ZNF780B: variants seen among roughly 807,000 people sequenced by gnomAD.
ZNF780B encodes zinc finger protein 780B.
ZNF780B carries 52 observed loss-of-function variants against 74.1 expected under a neutral mutation model. The ratio of observed to expected loss-of-function variants is 0.70; its 90% CI spans 0.56 to 0.88. ZNF780B has a LOEUF of 0.88. Among genes scored for constraint, ZNF780B ranks in the 40% least tolerant of loss-of-function variants. The pLI, the probability that ZNF780B is intolerant of heterozygous loss-of-function variation, is 0.00. For synonymous variants in ZNF780B, 315 were observed against 324.3 expected (o/e 0.97, Z 0.31); for missense variants, 953 against 1,007.6 (o/e 0.95, Z 0.73).
chr19:40,035,683 T>C lies in ZNF780B; in HGVS notation c.1176A>G (p.Lys392=). ...IHTGEKPFEC[K]ECGKSFNRSS... ...TACGATTAAAGGACTTCCCACATTC[T>C]TTACATTCAAATGGTTTTTCACCTG... The change falls in exon 5 of 5, where the codon AAA becomes AAG. Residue 392 remains lysine (K), a synonymous_variant. Coordinates refer to ENST00000434248, the MANE Select transcript of ZNF780B (RefSeq NM_001005851.3). 1.2e-6 allele frequency: 2 copies of C among 1,613,794 alleles called. No homozygotes were observed. The highest frequency in any genetic ancestry group is 1.7e-6 in the Non-Finnish European group (2 of 1,179,918).
At position 40,032,598 on chromosome 19, in the gene ZNF780B, G is replaced by C. The variant is rs376526350; in HGVS notation, c.*1759C>G. On this transcript the variant is annotated 3_prime_UTR_variant, in exon 5 of 5. Coordinates refer to ENST00000434248, the MANE Select transcript of ZNF780B (RefSeq NM_001005851.3). The stretch of plus-strand genomic sequence containing the variant: ...CTGGGCATGGTGGCGGGTGCCTCTA[G>C]TCCCAGCTACTCAGGAGGCTGAGGC... 17 of 183,408 alleles carry C rather than the reference G, an allele frequency of 9.3e-5. 1 individual carries two copies. The East Asian group carries it at 1.7e-3, about 18-fold the overall frequency. The allele number at this position is 183,408 out of a possible 1,614,324, so 11.4% of individuals were successfully genotyped here.
In ZNF780B at chr19:40,035,719, C is replaced by T. The variant is rs1393666862; in HGVS notation, c.1140G>A (p.Lys380=). The stretch of plus-strand genomic sequence containing the variant: ...ATGGTTTTTCACCTGTGTGAATATT[C>T]TTATGGCGATTAAGCTGATTGAGGA... ...FSLLNQLNRH[K]NIHTGEKPFE... Residue 380 remains lysine (K), a synonymous_variant, in exon 5 of 5, where the codon AAG becomes AAA. Coordinates refer to ENST00000434248, the MANE Select transcript of ZNF780B (RefSeq NM_001005851.3). 1.2e-6 allele frequency: 2 copies of T among 1,614,058 alleles called. No individual in the cohort carries two copies. The highest frequency in any genetic ancestry group is 1.3e-5 in the African/African-American group (1 of 74,988).
intron 4 of ZNF780B, among the ~76,000 whole-genome samples, chr19:40,045,889 G>C (rs1273932851): frequency 1.3e-5 from 2 of 152,180 alleles, no homozygotes; most frequent in African/African-American, 4.8e-5. Context: ...TCTAGAGGCT[G>C]AGGCAGGAGA....
chr19:40,047,299 G>T, intron 4 of ZNF780B, 76 bp downstream of exon 4: 1 of 1,277,158 alleles, frequency 7.8e-7, no homozygotes, highest in Admixed American at 1.7e-5. Context: ...ACATCTCAGG[G>T]GTGTGACTCC....
intron 4 of ZNF780B, among the ~76,000 whole-genome samples, chr19:40,044,856 C>A (rs993090671): frequency 2.0e-5 from 3 of 152,114 alleles, no homozygotes; most frequent in Non-Finnish European, 4.4e-5. Flanking sequence ...TATCAGTAAT[C>A]ACACTGAACG....
In ZNF780B at chr19:40,031,412, G is replaced by C. The variant is rs1357383328; in HGVS notation, c.*2945C>G. The C allele has an allele frequency of 6.6e-6, 1 of 152,182 alleles. No individual in the cohort carries two copies. The highest frequency in any genetic ancestry group is 1.5e-5 in the Non-Finnish European group (1 of 68,050). 9.4% of individuals were successfully genotyped at this position (152,182 alleles called of 1,614,324 possible). On this transcript the variant is annotated 3_prime_UTR_variant, in exon 5 of 5. Coordinates refer to ENST00000434248, the MANE Select transcript of ZNF780B (RefSeq NM_001005851.3). ...AATTTTTTTATTTTTAGGAGAGATG[G>C]AGTTTTGCCATGTTGGCCAAGTTGG... is the stretch of plus-strand genomic sequence containing the variant.
chr19:40,052,905 C>A (rs1973298979), intron 1 of ZNF780B, among the ~76,000 whole-genome samples: 1 of 152,056 alleles, frequency 6.6e-6, no homozygotes, highest in African/African-American at 2.4e-5. Context: ...TGAAATTAGA[C>A]CCTTTTCTCA....
chr19:40,041,922 G>T (rs777639793), intron 4 of ZNF780B, among the ~76,000 whole-genome samples: 11 of 152,046 alleles, frequency 7.2e-5, no homozygotes, highest in Non-Finnish European at 1.5e-4. Flanking sequence ...AGTTAATATT[G>T]TTATGTGTGA....
At position 40,036,642 on chromosome 19, in the gene ZNF780B, A is replaced by T. The variant is rs1465787791; in HGVS notation, c.233-16T>A. On this transcript the variant is annotated splice_polypyrimidine_tract_variant and intron_variant, in intron 4 of 4. Coordinates refer to ENST00000434248, the MANE Select transcript of ZNF780B (RefSeq NM_001005851.3). ...GACTCCAAATCTGAAAGAAATGAAG[A>T]AGGCAAACCTATTTTATTTTCCTAT... 6.9e-7 allele frequency: 1 copy of T among 1,454,148 alleles called. No homozygotes were observed. Among genetic ancestry groups the T allele is most frequent in the Non-Finnish European group, 9.2e-7 (1 of 1,087,248 alleles). 90.1% of individuals were successfully genotyped at this position (1,454,148 alleles called of 1,614,324 possible).
chr19:40,044,128 A>C (rs1972816709), intron 4 of ZNF780B, among the ~76,000 whole-genome samples: 1 of 152,234 alleles, frequency 6.6e-6, no homozygotes, highest in Non-Finnish European at 1.5e-5. Flanking sequence ...AGCCACCGTA[A>C]CATATGGGAC....
rs77635211 is a variant in ZNF780B, at chr19:40,031,956, T to C, written c.*2401A>G. On this transcript the variant is annotated 3_prime_UTR_variant, in exon 5 of 5. Transcript: ENST00000434248. ...ACTAATGCAAGGACCTGTACTTAAA[T>C]GTTTTCTGACAGTACAATATGACAT... The C allele has an allele frequency of 0.016, 6,797 of 415,626 alleles. 154 individuals are homozygous for C. The highest frequency in any genetic ancestry group is 0.052 in the South Asian group (3,004 of 57,962). The allele number at this position is 415,626 out of a possible 1,614,324, so 25.7% of individuals were successfully genotyped here. A position where few individuals can be genotyped will look rare whatever the true frequency, so the allele number is the denominator to read the frequency against.
intron 4 of ZNF780B, among the ~76,000 whole-genome samples, chr19:40,039,734 T>C (rs1035360838): frequency 2.6e-5 from 4 of 152,214 alleles, no homozygotes; most frequent in African/African-American, 9.7e-5. Context: ...TGTATAAGAA[T>C]GCTTGTGATT....
At chr19:40,050,492 A>G in intron 1 of ZNF780B, 115 bp from the exon 2 acceptor site, 1 of 1,021,030 alleles carries the variant, frequency 9.8e-7, no homozygotes, top group Non-Finnish European at 1.4e-6. Context: ...TCACACGCAC[A>G]CTTCCACCCT....
intron 4 of ZNF780B, among the ~76,000 whole-genome samples, chr19:40,038,466 T>A (rs1383275825): frequency 6.6e-6 from 1 of 151,332 alleles, no homozygotes; most frequent in Non-Finnish European, 1.5e-5. Flanking sequence ...TATTTCTAGT[T>A]CTAGATCCCT....
chr19:40,056,054 C>T (rs1022472334), intron 1 of ZNF780B, 135 bp downstream of exon 1: 2 of 152,488 alleles, frequency 1.3e-5, no homozygotes, highest in African/African-American at 2.4e-5. Context: ...CTGGCAGATT[C>T]CGTCTGCGCC....
At chr19:40,053,566 C>T (rs574936406) in intron 1 of ZNF780B, among the ~76,000 whole-genome samples, 1 of 152,158 alleles carries the variant, frequency 6.6e-6, no homozygotes, top group East Asian at 1.9e-4. Context: ...GGATATTTAT[C>T]CAAAGGAAAT....
At chr19:40,047,610 G>T in intron 3 of ZNF780B, 140 bp from the exon 4 acceptor site, 3 of 491,566 alleles carry the variant, frequency 6.1e-6, no homozygotes, top group Admixed American at 3.7e-5. Flanking sequence ...GATTGAGTAA[G>T]GGATCAACTA....
chr19:40,055,984 G>T (rs1973483270), intron 1 of ZNF780B: 2 of 152,908 alleles, frequency 1.3e-5, no homozygotes, highest in Admixed American at 1.3e-4. Flanking sequence ...AGTCCCCTCC[G>T]TCACTCAAGA....
rs143638769 is a variant in ZNF780B at position 40,042,690 on chromosome 19, G to A, written c.232+4685C>T. Among the ~76,000 whole-genome samples the A allele has an allele frequency of 6.1e-3, 920 of 152,036 alleles. 6 individuals are homozygous for A. The highest frequency in any genetic ancestry group is 0.021 in the African/African-American group (878 of 41,448). On this transcript the variant is annotated intron_variant, in intron 4 of 4. Coordinates refer to ENST00000434248, the MANE Select transcript of ZNF780B (RefSeq NM_001005851.3). ...CTGATACCCTTTCTTCCAGTTGATC[G>A]CATCAGCTCCTGAGGCTTCTGCATT...
Sources: gnomAD v4.1 joint callset for allele counts (sites outside exome capture counted in the v4.1 genomes callset) on GRCh38, gnomAD v4.1.1 for gene constraint, MANE v1.5 for transcripts, NCBI Gene and HGNC (gene_info 2026-07-23, HGNC 2026-07-21) for gene names.